The following MDGA2 variants were observed in gnomAD, a reference collection of about 807,000 sequenced individuals.
The protein encoded by MDGA2 is MAM domain-containing glycosylphosphatidylinositol anchor protein 2.
Under a neutral mutation model 117.8 loss-of-function variants are expected in MDGA2, and 40 were observed. The ratio of observed to expected loss-of-function variants is 0.34; its 90% CI spans 0.26 to 0.44. The LOEUF (loss-of-function observed/expected upper bound fraction) is 0.44, where lower values mean the gene tolerates loss of function less well. Ranked by LOEUF, MDGA2 falls within the 20% of genes least tolerant of loss-of-function variation. The pLI is 1.00. For synonymous variants in MDGA2, 452 were observed against 439.0 expected (o/e 1.03, Z -0.37); for missense variants, 1,123 against 1,250.6 (o/e 0.90, Z 1.54).
At position 47,223,267 on chromosome 14, in the gene MDGA2, A is replaced by G. The variant is rs147025085; in HGVS notation, c.421-5072T>C. ...GGGAACACAACCAAACCATATCAACAGTGAAAAGAATACACACAGGAAAAT... is the reference window on the plus strand; with the variant it reads ...GGGAACACAACCAAACCATATCAACGGTGAAAAGAATACACACAGGAAAAT... On this transcript the variant is annotated intron_variant, in intron 2 of 16. Transcript: ENST00000399232. Among the ~76,000 whole-genome samples the G allele has an allele frequency of 2.0e-3, 302 of 152,326 alleles. 2 individuals are homozygous for G. The highest frequency in any genetic ancestry group is 6.8e-3 in the African/African-American group (282 of 41,588).
intron 1 of MDGA2, among the ~76,000 whole-genome samples, chr14:47,471,252 G>GTTTT (rs35098377): frequency 6.8e-6 from 1 of 147,846 alleles, no homozygotes; most frequent in African/African-American, 2.5e-5. Flanking sequence ...TATTAATGGA[G>GTTTT]TTTTTTTTTT....
At chr14:47,156,396 G>T (rs1232285769) in intron 3 of MDGA2, among the ~76,000 whole-genome samples, 3 of 152,130 alleles carry the variant, frequency 2.0e-5, no homozygotes, top group Admixed American at 2.0e-4. Context: ...TTTGAGTTCA[G>T]TTCACTAAAT....
intron 1 of MDGA2, among the ~76,000 whole-genome samples, chr14:47,543,429 A>G (rs947618089): frequency 6.6e-6 from 1 of 152,192 alleles, no homozygotes; most frequent in African/African-American, 2.4e-5. Context: ...CTTAAGATGT[A>G]CAAGCAGAAA....
At chr14:47,301,214 G>C (rs1436384580) in intron 2 of MDGA2, among the ~76,000 whole-genome samples, 197 bp downstream of exon 2, 1 of 151,882 alleles carries the variant, frequency 6.6e-6, no homozygotes, top group East Asian at 1.9e-4. Context: ...GCTCAAGTTT[G>C]AATGTTCCGA....
chr14:47,307,624 T>C (rs1889495480), intron 1 of MDGA2, among the ~76,000 whole-genome samples: 1 of 151,192 alleles, frequency 6.6e-6, no homozygotes, highest in African/African-American at 2.4e-5. Flanking sequence ...GAGGTTGCAG[T>C]GAGACAAGAT....
chr14:47,080,998 A>G (rs981764884), intron 6 of MDGA2, among the ~76,000 whole-genome samples: 6 of 152,100 alleles, frequency 3.9e-5, no homozygotes, highest in African/African-American at 1.2e-4. Flanking sequence ...AGTTACTTCC[A>G]CGATCTGCCA....
chr14:47,603,560 T>C (rs1291686697), intron 1 of MDGA2, among the ~76,000 whole-genome samples: 2 of 152,188 alleles, frequency 1.3e-5, no homozygotes, highest in Non-Finnish European at 2.9e-5. Flanking sequence ...TGTCCAATGA[T>C]TGAGCTAAAA....
chr14:47,008,210 A>C lies in MDGA2; in HGVS notation c.1819+26801T>G, dbSNP rs757608810. On this transcript the variant is annotated intron_variant, in intron 8 of 16. Coordinates refer to ENST00000399232, the MANE Select transcript of MDGA2 (RefSeq NM_001113498.3). ...ATGTTAGAGAAACAAAAAACGTTTC[A>C]GAGGTCCTCCGAGTAAATATGAAGA... Among the ~76,000 whole-genome samples the C allele has an allele frequency of 3.3e-5, 5 of 152,004 alleles. No homozygotes were observed. The South Asian group carries it at 1.0e-3, about 31-fold the overall frequency.
intron 1 of MDGA2, among the ~76,000 whole-genome samples, chr14:47,630,132 AACACAC>A: frequency 6.6e-6 from 1 of 152,160 alleles, no homozygotes; most frequent in Non-Finnish European, 1.5e-5. Context: ...AATACACACA[AACACAC>A]ACACAGCATA....
chr14:46,910,049 A>C, intron 10 of MDGA2, among the ~76,000 whole-genome samples: 1 of 152,130 alleles, frequency 6.6e-6, no homozygotes, highest in East Asian at 1.9e-4. Context: ...ATAAGAGTTA[A>C]TTTTCATTTT....
chr14:47,015,187 A>G (rs1239721310), intron 8 of MDGA2, among the ~76,000 whole-genome samples: 14 of 152,112 alleles, frequency 9.2e-5, no homozygotes, highest in Non-Finnish European at 2.1e-4. Context: ...TGGCACCTCA[A>G]AACAATTAAA....
At chr14:47,619,389 T>C (rs749915116) in intron 1 of MDGA2, among the ~76,000 whole-genome samples, 2 of 152,180 alleles carry the variant, frequency 1.3e-5, no homozygotes, top group Non-Finnish European at 2.9e-5. Context: ...ATAGCTTATT[T>C]TTTTGAATGA....
At chr14:47,010,091 C>A (rs1887845790) in intron 8 of MDGA2, among the ~76,000 whole-genome samples, 1 of 152,032 alleles carries the variant, frequency 6.6e-6, no homozygotes, top group African/African-American at 2.4e-5. Flanking sequence ...GATCTTGTAA[C>A]ATCAAGTCCC....
chr14:47,606,242 T>C (rs546433141), intron 1 of MDGA2, among the ~76,000 whole-genome samples: 1 of 152,266 alleles, frequency 6.6e-6, no homozygotes, highest in South Asian at 2.1e-4. Context: ...ACAAATGAAC[T>C]AGATATAGAA....
intron 9 of MDGA2, among the ~76,000 whole-genome samples, chr14:46,950,826 T>A (rs1288647969): frequency 1.3e-5 from 2 of 151,846 alleles, no homozygotes; most frequent in East Asian, 3.9e-4. Flanking sequence ...AATAAAAACA[T>A]TGCCAGAGAC....
rs1272540719 is a variant in MDGA2, at chr14:46,867,453, T to C, written c.2752+5980A>G. ...ATATACCTAATGCTAGATGACGAGT[T>C]AGTGGGTGCAGCGCACCAGCATGGC... On this transcript the variant is annotated intron_variant, in intron 14 of 16. Coordinates refer to ENST00000399232, the MANE Select transcript of MDGA2 (RefSeq NM_001113498.3). Among the ~76,000 whole-genome samples, 15 of 152,108 alleles carry C rather than the reference T, an allele frequency of 9.9e-5. No homozygotes were observed. The East Asian group carries it at 2.9e-3, about 30-fold the overall frequency.
At chr14:47,589,202 A>C (rs1896389433) in intron 1 of MDGA2, among the ~76,000 whole-genome samples, 1 of 151,800 alleles carries the variant, frequency 6.6e-6, no homozygotes, top group Non-Finnish European at 1.5e-5. Flanking sequence ...ATCACACTCT[A>C]TTTTTTCTTT....
intron 3 of MDGA2, among the ~76,000 whole-genome samples, chr14:47,150,412 G>C (rs562252659): frequency 6.6e-6 from 1 of 152,062 alleles, no homozygotes; most frequent in African/African-American, 2.4e-5. Flanking sequence ...CACATACCAC[G>C]GTCAAGTGAT....
chr14:46,992,409 A>G (rs1476142275), intron 8 of MDGA2, among the ~76,000 whole-genome samples: 2 of 152,116 alleles, frequency 1.3e-5, no homozygotes, highest in Non-Finnish European at 2.9e-5. Flanking sequence ...TAAGTTTTGA[A>G]CAATTTTTTT....
Sources: allele counts gnomAD v4.1 joint callset (sites outside exome capture counted in the v4.1 genomes callset), GRCh38; gene constraint gnomAD v4.1.1; transcripts MANE v1.5; gene names NCBI Gene and HGNC (gene_info 2026-07-23, HGNC 2026-07-21).